The following TERB1 variants were observed in gnomAD, a reference collection of about 807,000 sequenced individuals.
The protein encoded by TERB1 is telomere repeat binding bouquet formation protein 1, also known as telomere repeats-binding bouquet formation protein 1.
TERB1 carries 63 observed loss-of-function variants against 92.3 expected under a neutral mutation model. The ratio of observed to expected loss-of-function variants is 0.68; its 90% confidence interval spans 0.56 to 0.84. TERB1 has a LOEUF of 0.84. TERB1 is among the 40% of genes least tolerant of loss of function. The pLI is 0.00. For synonymous variants in TERB1, 252 were observed against 283.9 expected (o/e 0.89, Z 1.13); for missense variants, 709 against 843.7 (o/e 0.84, Z 1.98).
chr16:66,771,838 A>C (rs2018457614), intron 13 of TERB1, among the ~76,000 whole-genome samples: 1 of 152,244 alleles, frequency 6.6e-6, no homozygotes, highest in African/African-American at 2.4e-5. Context: ...ACTATATTAT[A>C]CTAACTTGGA....
intron 18 of TERB1, chr16:66,758,235 TAATA>T (rs1671352867): frequency 2.0e-5 from 3 of 153,816 alleles, no homozygotes; most frequent in African/African-American, 7.2e-5. Context: ...AGCAGGTGCT[TAATA>T]AATGTTAGTT....
intron 9 of TERB1, among the ~76,000 whole-genome samples, chr16:66,784,452 C>A (rs1427214325): frequency 6.6e-6 from 1 of 151,856 alleles, no homozygotes; most frequent in African/African-American, 2.4e-5. Context: ...CTGCCTCAGC[C>A]ACCCGAGTAG....
intron 6 of TERB1, 71 bp downstream of exon 6, chr16:66,788,098 A>T: frequency 8.3e-7 from 1 of 1,207,072 alleles, no homozygotes; most frequent in Non-Finnish European, 1.1e-6. Context: ...TAAGAACTCA[A>T]ATAAAAAATT....
At chr16:66,790,374 A>C (rs558708911) in intron 5 of TERB1, among the ~76,000 whole-genome samples, 106 of 150,520 alleles carry the variant, frequency 7.0e-4, no homozygotes, top group African/African-American at 2.4e-3. Flanking sequence ...AGAAGAAAGG[A>C]AAGGCAAGGA....
At chr16:66,766,654 A>G (rs959694552) in intron 16 of TERB1, among the ~76,000 whole-genome samples, 6 of 152,262 alleles carry the variant, frequency 3.9e-5, no homozygotes, top group African/African-American at 1.4e-4. Context: ...CTCTCTGAAA[A>G]CATTAAAAAA....
In TERB1 at chr16:66,796,848, T is replaced by C; in HGVS notation, c.-32-18A>G. The C allele has an allele frequency of 2.3e-6, 3 of 1,305,344 alleles. No individual in the cohort carries two copies. The highest frequency in any genetic ancestry group is 3.2e-6 in the Non-Finnish European group (3 of 929,054). 80.9% of individuals were successfully genotyped at this position (1,305,344 alleles called of 1,614,324 possible). On this transcript the variant is annotated intron_variant, in intron 2 of 18. Transcript: ENST00000433154. ...TATTTTGTCTATAAGATAAAGGTATTTTCTCAATTTAAATCAATGTTTGAG... is the reference window on the plus strand; with the variant it reads ...TATTTTGTCTATAAGATAAAGGTATCTTCTCAATTTAAATCAATGTTTGAG...
At chr16:66,760,434 G>A (rs1163531837) in intron 16 of TERB1, among the ~76,000 whole-genome samples, 23 of 127,486 alleles carry the variant, frequency 1.8e-4, no homozygotes, top group African/African-American at 3.4e-4. Flanking sequence ...TCCAACCTGG[G>A]TGACAGAGCG....
chr16:66,790,940 C>T lies in TERB1; in HGVS notation c.111G>A (p.Leu37=). The T allele has an allele frequency of 6.5e-7, 1 of 1,548,854 alleles. No homozygotes were observed. The highest frequency in any genetic ancestry group is 8.7e-7 in the Non-Finnish European group (1 of 1,145,360). Residue 37 remains leucine (L), a synonymous_variant, in exon 4 of 19, where the codon TTG becomes TTA. Coordinates refer to ENST00000433154, the MANE Select transcript of TERB1 (RefSeq NM_001136505.2). The stretch of plus-strand genomic sequence containing the variant: ...GTTGACAAATTGAATGAATAGTGAC[C>T]AAAGCTTCCTTTTGTGAAAAAGCAT... The part of the protein sequence containing the change: ...MDNAFSQKEA[L]VTIHSICQQN...
chr16:66,766,385 G>T (rs191504047), intron 16 of TERB1, among the ~76,000 whole-genome samples: 1 of 152,186 alleles, frequency 6.6e-6, no homozygotes, highest in African/African-American at 2.4e-5. Context: ...GTTCTGAGCC[G>T]AATATAGAGA....
intron 11 of TERB1, 135 bp downstream of exon 11, chr16:66,777,068 A>C (rs1005127770): frequency 1.9e-5 from 14 of 725,558 alleles, no homozygotes; most frequent in African/African-American, 5.3e-5. Flanking sequence ...AGCTGAAATG[A>C]CTAGTTTGAG....
chr16:66,762,035 G>A (rs1272381806), intron 16 of TERB1, among the ~76,000 whole-genome samples: 1 of 152,258 alleles, frequency 6.6e-6, no homozygotes, highest in Non-Finnish European at 1.5e-5. Flanking sequence ...CCTGGCGACA[G>A]AGTGAGACTC....
intron 16 of TERB1, among the ~76,000 whole-genome samples, chr16:66,762,920 T>A (rs1387432698): frequency 6.6e-6 from 1 of 151,826 alleles, no homozygotes; most frequent in Non-Finnish European, 1.5e-5. Context: ...TGGGCTCAAG[T>A]GATCCACCTG....
At chr16:66,795,547 A>G (rs1206599451) in intron 3 of TERB1, among the ~76,000 whole-genome samples, 2 of 152,156 alleles carry the variant, frequency 1.3e-5, no homozygotes, top group Non-Finnish European at 2.9e-5. Context: ...GGAGCAATCT[A>G]AAGACTTAAA....
At chr16:66,790,435 GAGAA>G (rs1368874338) in intron 5 of TERB1, among the ~76,000 whole-genome samples, 156 bp downstream of exon 5, 2 of 144,280 alleles carry the variant, frequency 1.4e-5, no homozygotes, top group African/African-American at 2.6e-5. Context: ...AGGAAAGAGA[GAGAA>G]AGAGAGAAAG....
chr16:66,790,291 G>A (rs2018808142), intron 5 of TERB1, among the ~76,000 whole-genome samples: 1 of 147,946 alleles, frequency 6.8e-6, no homozygotes, highest in Non-Finnish European at 1.5e-5. Flanking sequence ...AGGAGAAAGG[G>A]GAGAGGAGGG....
chr16:66,760,788 AAAAAAAAAAAAAAGAAAAG>A (rs1453925907), intron 16 of TERB1, among the ~76,000 whole-genome samples: 2 of 35,486 alleles, frequency 5.6e-5, no homozygotes, highest in African/African-American at 3.7e-4. Flanking sequence ...CATCTCAAAA[AAAAAAAAAAAAAAGAAAAG>A]AAAAGAAAAG....
At chr16:66,759,008 T>C in intron 17 of TERB1, 133 bp downstream of exon 17, 1 of 980,140 alleles carries the variant, frequency 1.0e-6, no homozygotes, top group Non-Finnish European at 1.5e-6. Context: ...ACATCTTCAA[T>C]TACTTGTTGC....
At chr16:66,795,638 A>G (rs965663032) in intron 3 of TERB1, among the ~76,000 whole-genome samples, 1 of 152,134 alleles carries the variant, frequency 6.6e-6, no homozygotes, top group Non-Finnish European at 1.5e-5. Context: ...GTTATCCCCT[A>G]TCTCTCCAGT....
At chr16:66,776,736 G>A (rs1354926369) in intron 11 of TERB1, among the ~76,000 whole-genome samples, 1 of 151,916 alleles carries the variant, frequency 6.6e-6, no homozygotes, top group African/African-American at 2.4e-5. Flanking sequence ...AAAAGGGGGA[G>A]AAGAAAGAGA....
Sources: gnomAD v4.1 joint callset for allele counts (sites outside exome capture counted in the v4.1 genomes callset) on GRCh38, gnomAD v4.1.1 for gene constraint, MANE v1.5 for transcripts, NCBI Gene and HGNC (gene_info 2026-07-23, HGNC 2026-07-21) for gene names.